TMEM132D: variants seen among roughly 807,000 people sequenced by gnomAD.
TMEM132D encodes the protein transmembrane protein 132D.
Under a neutral mutation model 62.3 loss-of-function variants are expected in TMEM132D, and 21 were observed. The ratio of observed to expected loss-of-function variants is 0.34; its 90% CI spans 0.24 to 0.49. TMEM132D has a LOEUF of 0.49. Ranked by LOEUF, TMEM132D falls within the 20% of genes least tolerant of loss-of-function variation. The probability of loss-of-function intolerance (pLI) is 0.99; values close to 1 mark genes in which losing one functional copy is unlikely to be tolerated. For synonymous variants in TMEM132D, 621 were observed against 575.6 expected (o/e 1.08, Z -1.13); for missense variants, 1,346 against 1,402.8 (o/e 0.96, Z 0.65).
rs779755019 is a variant in TMEM132D at position 129,809,448 on chromosome 12, C to A, written c.79+93813G>T. On this transcript the variant is annotated intron_variant, in intron 1 of 8. Coordinates refer to ENST00000422113, the MANE Select transcript of TMEM132D (RefSeq NM_133448.3). ...AGCCGGGATGGACACCCTGGGGTGCCAGCTGGGAGAGTCAGTGCGTGAGGG... is the reference window on the plus strand; with the variant it reads ...AGCCGGGATGGACACCCTGGGGTGCAAGCTGGGAGAGTCAGTGCGTGAGGG... Among the ~76,000 whole-genome samples, 68 of 152,102 alleles carry A rather than the reference C, an allele frequency of 4.5e-4. 1 individual carries two copies. The highest frequency in any genetic ancestry group is 6.8e-3 in the Middle Eastern group (2 of 294).
chr12:129,741,589 T>A (rs1869610760), intron 1 of TMEM132D, among the ~76,000 whole-genome samples: 1 of 152,200 alleles, frequency 6.6e-6, no homozygotes, highest in Non-Finnish European at 1.5e-5. Flanking sequence ...GTTCTCTCCC[T>A]GGATGGCAAG....
chr12:129,763,052 G>A (rs1360207126), intron 1 of TMEM132D, among the ~76,000 whole-genome samples: 1 of 152,184 alleles, frequency 6.6e-6, no homozygotes, highest in Non-Finnish European at 1.5e-5. Context: ...ATCAGAGAGT[G>A]TAAACTGGCC....
intron 1 of TMEM132D, among the ~76,000 whole-genome samples, chr12:129,757,964 A>G (rs1870225220): frequency 6.6e-6 from 1 of 151,988 alleles, no homozygotes; most frequent in Non-Finnish European, 1.5e-5. Context: ...GTGCAATGGC[A>G]TGGTCTCGGC....
At chr12:129,142,862 A>T (rs1876782450) in intron 5 of TMEM132D, among the ~76,000 whole-genome samples, 1 of 152,122 alleles carries the variant, frequency 6.6e-6, no homozygotes, top group Non-Finnish European at 1.5e-5. Context: ...TTCCCAAAGC[A>T]TCCACTAATT....
intron 1 of TMEM132D, among the ~76,000 whole-genome samples, chr12:129,726,143 G>A (rs1869028431): frequency 6.6e-6 from 1 of 152,194 alleles, no homozygotes; most frequent in African/African-American, 2.4e-5. Context: ...GGCTCCATGG[G>A]AAGAGACTCT....
At chr12:129,711,811 T>G (rs1366933647) in intron 1 of TMEM132D, among the ~76,000 whole-genome samples, 1 of 148,212 alleles carries the variant, frequency 6.7e-6, no homozygotes, top group East Asian at 1.9e-4. Flanking sequence ...TATTATATAT[T>G]TACATTATAT....
At chr12:129,895,164 C>T (rs778023262) in intron 1 of TMEM132D, among the ~76,000 whole-genome samples, 2 of 152,146 alleles carry the variant, frequency 1.3e-5, no homozygotes, top group Non-Finnish European at 2.9e-5. Context: ...GGGAATCCAC[C>T]AAAGCATAGC....
At chr12:129,451,822 A>G (rs1873295778) in intron 3 of TMEM132D, among the ~76,000 whole-genome samples, 1 of 152,200 alleles carries the variant, frequency 6.6e-6, no homozygotes, top group South Asian at 2.1e-4. Context: ...AGCCTCACCT[A>G]GAAAATTCCA....
At chr12:129,819,153 C>G (rs1872465867) in intron 1 of TMEM132D, among the ~76,000 whole-genome samples, 1 of 152,058 alleles carries the variant, frequency 6.6e-6, no homozygotes, top group Non-Finnish European at 1.5e-5. Flanking sequence ...TAGGTTCATG[C>G]TGCCCCACAT....
intron 5 of TMEM132D, chr12:129,170,295 A>G (rs1877685656): frequency 6.6e-6 from 1 of 152,212 alleles, no homozygotes; most frequent in African/African-American, 2.4e-5. Flanking sequence ...TTGGGGTATG[A>G]ATTGCAGTGC....
chr12:129,417,718 A>C (rs1162869279), intron 3 of TMEM132D, among the ~76,000 whole-genome samples: 1 of 152,206 alleles, frequency 6.6e-6, no homozygotes, highest in Non-Finnish European at 1.5e-5. Flanking sequence ...CAATCAAACT[A>C]AAGAGCTTCT....
At chr12:129,741,473 G>C (rs1257547734) in intron 1 of TMEM132D, among the ~76,000 whole-genome samples, 1 of 152,150 alleles carries the variant, frequency 6.6e-6, no homozygotes, top group African/African-American at 2.4e-5. Context: ...ATGAGAAAAA[G>C]AGGAGTAGCA....
At chr12:129,150,941 C>T (rs1394008388) in intron 5 of TMEM132D, among the ~76,000 whole-genome samples, 2 of 152,204 alleles carry the variant, frequency 1.3e-5, no homozygotes, top group Non-Finnish European at 2.9e-5. Flanking sequence ...TCTCCCCTGG[C>T]TGGTGGTGGC....
chr12:129,131,522 G>A (rs575492745), intron 5 of TMEM132D, among the ~76,000 whole-genome samples: 5 of 152,122 alleles, frequency 3.3e-5, no homozygotes, highest in Admixed American at 6.5e-5. Flanking sequence ...CAGGAGAATC[G>A]CTTGAACGCA....
At chr12:129,874,973 G>A (rs770881589) in intron 1 of TMEM132D, among the ~76,000 whole-genome samples, 6 of 152,148 alleles carry the variant, frequency 3.9e-5, no homozygotes, top group African/African-American at 7.2e-5. Flanking sequence ...CGCCATGCCC[G>A]GGCTGCACAT....
intron 2 of TMEM132D, among the ~76,000 whole-genome samples, chr12:129,692,395 TTTTTTCTTG>T (rs1172794592): frequency 1.3e-5 from 2 of 152,318 alleles, no homozygotes; most frequent in East Asian, 3.9e-4. Context: ...GGGTCGTTTG[TTTTTTCTTG>T]TGAATTTGCC....
intron 2 of TMEM132D, among the ~76,000 whole-genome samples, chr12:129,563,516 G>A (rs1877293484): frequency 6.6e-6 from 1 of 152,172 alleles, no homozygotes; most frequent in South Asian, 2.1e-4. Context: ...AATGTAATCA[G>A]GCACTGTGGT....
chr12:129,716,267 A>C (rs1457633304), intron 1 of TMEM132D, among the ~76,000 whole-genome samples: 1 of 152,144 alleles, frequency 6.6e-6, no homozygotes, highest in Admixed American at 6.5e-5. Context: ...AATCTCCTGT[A>C]TGCAAGGGAG....
At chr12:129,551,452 A>G (rs542302338) in intron 2 of TMEM132D, among the ~76,000 whole-genome samples, 176 of 152,336 alleles carry the variant, frequency 1.2e-3, no homozygotes, top group Non-Finnish European at 1.9e-3. Context: ...AATGTGTCCT[A>G]CAAATATTGT....
Sources: gnomAD v4.1 joint callset for allele counts (sites outside exome capture counted in the v4.1 genomes callset) on GRCh38, gnomAD v4.1.1 for gene constraint, MANE v1.5 for transcripts, NCBI Gene and HGNC (gene_info 2026-07-23, HGNC 2026-07-21) for gene names.